The following KPNA1 variants were observed in gnomAD, a reference collection of about 807,000 sequenced individuals.
KPNA1 encodes the protein importin subunit alpha-5.
KPNA1 carries 10 observed loss-of-function variants against 70.5 expected under a neutral mutation model. The observed-to-expected ratio is 0.14, with a 90% CI of 0.09 to 0.24. The LOEUF is 0.24. Among genes scored for constraint, KPNA1 ranks in the 10% least tolerant of loss-of-function variants. The probability of loss-of-function intolerance (pLI) is 1.00; values close to 1 mark genes in which losing one functional copy is unlikely to be tolerated. For synonymous variants in KPNA1, 192 were observed against 221.9 expected, an observed-to-expected ratio of 0.87 and a Z score of 1.20; for missense variants, 397 against 637.9, an observed-to-expected ratio of 0.62 and a Z score of 4.07.
At position 122,432,292 on chromosome 3, in the gene KPNA1, G is replaced by C. The variant is rs137920332; in HGVS notation, c.1250+1369C>G. Among the ~76,000 whole-genome samples the C allele has an allele frequency of 2.2e-3, 337 of 152,216 alleles. 2 individuals are homozygous for C. The highest frequency in any genetic ancestry group is 7.9e-3 in the African/African-American group (328 of 41,532). On this transcript the variant is annotated intron_variant, in intron 12 of 13. Transcript: ENST00000344337. ...TTTGGAGGTTGGAAAAAACCTACAA[G>C]ACAAATGTGCTTCTGTCTCCCTGAA...
At chr3:122,480,512 T>A (rs2076559063) in intron 2 of KPNA1, among the ~76,000 whole-genome samples, 1 of 151,954 alleles carries the variant, frequency 6.6e-6, no homozygotes, top group Non-Finnish European at 1.5e-5. Context: ...ACAAACTGAA[T>A]GAATTCATCA....
chr3:122,502,550 A>C (rs575859313), intron 1 of KPNA1, among the ~76,000 whole-genome samples: 1 of 152,332 alleles, frequency 6.6e-6, no homozygotes, highest in South Asian at 2.1e-4. Flanking sequence ...GTGAGAAAAT[A>C]AATTTCTGCT....
chr3:122,456,395 C>T (rs548900347), intron 5 of KPNA1, among the ~76,000 whole-genome samples: 1 of 152,164 alleles, frequency 6.6e-6, no homozygotes, highest in Non-Finnish European at 1.5e-5. Context: ...AGAATACATA[C>T]CATCTGTATA....
chr3:122,496,865 A>G (rs901633829), intron 1 of KPNA1, among the ~76,000 whole-genome samples: 2 of 152,130 alleles, frequency 1.3e-5, no homozygotes, highest in African/African-American at 4.8e-5. Flanking sequence ...CACCATGCCC[A>G]GAGAATTTTT....
At chr3:122,481,339 A>G (rs1485136286) in intron 2 of KPNA1, among the ~76,000 whole-genome samples, 1 of 152,260 alleles carries the variant, frequency 6.6e-6, no homozygotes, top group African/African-American at 2.4e-5. Flanking sequence ...ATTTAGTGAG[A>G]AAAGGGAATG....
chr3:122,459,409 T>C (rs1000844128), intron 5 of KPNA1: 29 of 985,076 alleles, frequency 2.9e-5, no homozygotes, highest in Non-Finnish European at 3.4e-5. Flanking sequence ...GAAACACTTT[T>C]TTCAGCATGA....
intron 11 of KPNA1, among the ~76,000 whole-genome samples, chr3:122,434,184 ACCTCGG>A (rs1376803733): frequency 6.6e-6 from 1 of 152,052 alleles, no homozygotes; most frequent in Non-Finnish European, 1.5e-5. Flanking sequence ...TGATCCACCC[ACCTCGG>A]CCTCCCAAAG....
At chr3:122,451,709 T>C in intron 7 of KPNA1, 76 bp from the exon 8 acceptor site, 4 of 944,106 alleles carry the variant, frequency 4.2e-6, no homozygotes, top group South Asian at 3.0e-5. Context: ...TAAATAATAA[T>C]ACTTTTGATA....
At chr3:122,458,245 T>C (rs980771275) in intron 5 of KPNA1, among the ~76,000 whole-genome samples, 2 of 152,146 alleles carry the variant, frequency 1.3e-5, no homozygotes, top group African/African-American at 2.4e-5. Flanking sequence ...AGCAAAAAAG[T>C]AGGCTCACAG....
intron 5 of KPNA1, among the ~76,000 whole-genome samples, chr3:122,456,598 A>T (rs2076267478): frequency 6.6e-6 from 1 of 152,240 alleles, no homozygotes; most frequent in Non-Finnish European, 1.5e-5. Context: ...CAGAAGCTAC[A>T]CAAGTTAATA....
chr3:122,460,332 T>G (rs2076309972), intron 5 of KPNA1: 1 of 984,968 alleles, frequency 1.0e-6, no homozygotes, highest in Middle Eastern at 5.2e-4. Context: ...TGGTTTCTTT[T>G]CTTATGAAAA....
rs1302753660 is a variant in KPNA1 at position 122,423,297 on chromosome 3, T to C, written c.*3688A>G. ...CTCACAACAGAGAGAAATGGTCATA[T>C]TGAGATGGATAAAAATTCAGATTTG... On this transcript the variant is annotated 3_prime_UTR_variant, in exon 14 of 14. Coordinates refer to ENST00000344337, the MANE Select transcript of KPNA1 (RefSeq NM_002264.4). The C allele has an allele frequency of 6.6e-6, 1 of 152,194 alleles. No individual in the cohort carries two copies. Among genetic ancestry groups the C allele is most frequent in the Non-Finnish European group, 1.5e-5 (1 of 68,042 alleles). 9.4% of individuals were successfully genotyped at this position (152,194 alleles called of 1,614,324 possible). A position where few individuals can be genotyped will look rare whatever the true frequency, so the allele number is the denominator to read the frequency against.
chr3:122,446,885 T>C (rs2076146065), intron 9 of KPNA1, among the ~76,000 whole-genome samples: 1 of 152,112 alleles, frequency 6.6e-6, no homozygotes, highest in Admixed American at 6.5e-5. Context: ...GAGAATACTA[T>C]CAACACCTCT....
At chr3:122,498,068 G>A (rs936329081) in intron 1 of KPNA1, among the ~76,000 whole-genome samples, 1 of 152,120 alleles carries the variant, frequency 6.6e-6, no homozygotes, top group African/African-American at 2.4e-5. Context: ...CATGGTATGA[G>A]AGTCCAACCT....
intron 1 of KPNA1, among the ~76,000 whole-genome samples, chr3:122,503,096 C>T (rs373066472): frequency 1.4e-3 from 208 of 151,976 alleles, no homozygotes; most frequent in African/African-American, 4.8e-3. Flanking sequence ...AAAAAAGATT[C>T]GTTAAGTTTC....
At chr3:122,447,373 C>T (rs756561471) in intron 9 of KPNA1, among the ~76,000 whole-genome samples, 1 of 152,142 alleles carries the variant, frequency 6.6e-6, no homozygotes, top group Non-Finnish European at 1.5e-5. Context: ...TCAACATATG[C>T]AAATCAATAA....
Position 122,423,197 on chromosome 3 carries a change from A to G in KPNA1, c.*3788T>C, listed in dbSNP as rs1198968280. On this transcript the variant is annotated 3_prime_UTR_variant, in exon 14 of 14. Coordinates refer to ENST00000344337, the MANE Select transcript of KPNA1 (RefSeq NM_002264.4). ...CATCTGACCTTTGATAATTTTTTTA[A>G]ATTAAGTTCTGATGACAGGAAAAGA... is the stretch of plus-strand genomic sequence containing the variant. 1.3e-5 allele frequency: 2 copies of G among 152,202 alleles called. No individual in the cohort carries two copies. The highest frequency in any genetic ancestry group is 2.9e-5 in the Non-Finnish European group (2 of 68,034). The allele number at this position is 152,202 out of a possible 1,614,324, so 9.4% of individuals were successfully genotyped here. A position where few individuals can be genotyped will look rare whatever the true frequency, so the allele number is the denominator to read the frequency against.
intron 1 of KPNA1, among the ~76,000 whole-genome samples, chr3:122,509,018 G>A (rs1251124686): frequency 6.6e-6 from 1 of 152,126 alleles, no homozygotes; most frequent in African/African-American, 2.4e-5. Flanking sequence ...AGCCGAGGAG[G>A]GTGGATCACT....
chr3:122,506,752 C>G, intron 1 of KPNA1, among the ~76,000 whole-genome samples: 1 of 152,178 alleles, frequency 6.6e-6, no homozygotes, highest in East Asian at 1.9e-4. Flanking sequence ...AGAGGTTTAT[C>G]ATAACCTTTG....
Sources: gnomAD v4.1 joint callset for allele counts (sites outside exome capture counted in the v4.1 genomes callset) on GRCh38, gnomAD v4.1.1 for gene constraint, MANE v1.5 for transcripts, NCBI Gene and HGNC (gene_info 2026-07-23, HGNC 2026-07-21) for gene names.